The following C10orf90 variants were observed in gnomAD, a reference collection of about 807,000 sequenced individuals.
C10orf90 encodes chromosome 10 open reading frame 90.
Under a neutral mutation model 62.5 loss-of-function variants are expected in C10orf90, and 56 were observed. That is an observed-to-expected ratio of 0.90 (90% CI 0.72 to 1.12). The LOEUF (loss-of-function observed/expected upper bound fraction) is 1.12, where lower values mean the gene tolerates loss of function less well. Among genes scored for constraint, C10orf90 ranks in the 50% most tolerant of loss-of-function variants. The pLI, the probability that C10orf90 is intolerant of heterozygous loss-of-function variation, is 0.00. For synonymous variants in C10orf90, 386 were observed against 340.4 expected (o/e 1.13, Z -1.47); for missense variants, 970 against 880.4 (o/e 1.10, Z -1.29).
At chr10:126,482,433 C>T (rs771909766) in intron 4 of C10orf90, among the ~76,000 whole-genome samples, 5 of 152,172 alleles carry the variant, frequency 3.3e-5, no homozygotes, top group Admixed American at 1.3e-4. Flanking sequence ...CTGCCCTTTT[C>T]CACTCTGAAA....
intron 1 of C10orf90, among the ~76,000 whole-genome samples, chr10:126,652,688 T>G (rs1307682443): frequency 2.6e-5 from 4 of 152,190 alleles, no homozygotes; most frequent in Non-Finnish European, 4.4e-5. Flanking sequence ...GAGATTTCTA[T>G]GCAAACATCA....
intron 2 of C10orf90, among the ~76,000 whole-genome samples, chr10:126,642,650 T>C (rs891756836): frequency 8.5e-5 from 13 of 152,116 alleles, no homozygotes; most frequent in Admixed American, 7.2e-4. Context: ...CCAACTCATA[T>C]CTTCTCTCCC....
intron 8 of C10orf90, 42 bp downstream of exon 8, chr10:126,429,745 C>A (rs372328461): frequency 1.3e-6 from 2 of 1,573,686 alleles, no homozygotes; most frequent in South Asian, 1.1e-5. Context: ...CCACCCTACT[C>A]CCCCCACCAA....
intron 7 of C10orf90, among the ~76,000 whole-genome samples, chr10:126,455,218 C>G (rs1859465620): frequency 6.6e-6 from 1 of 152,164 alleles, no homozygotes; most frequent in Admixed American, 6.5e-5. Context: ...TTGGGCTCCT[C>G]TTTGGCCCCT....
intron 4 of C10orf90, among the ~76,000 whole-genome samples, chr10:126,487,301 A>T (rs1196986154): frequency 6.6e-6 from 1 of 152,140 alleles, no homozygotes; most frequent in Non-Finnish European, 1.5e-5. Context: ...AAAATCCATC[A>T]GATTCACTAA....
At position 126,453,942 on chromosome 10, in the gene C10orf90, G is replaced by A. The variant is rs1859365929; in HGVS notation, c.2188+5098C>T. Among the ~76,000 whole-genome samples the A allele has an allele frequency of 6.6e-6, 1 of 152,180 alleles. No homozygotes were observed. The highest frequency in any genetic ancestry group is 1.5e-5 in the Non-Finnish European group (1 of 68,028). On this transcript the variant is annotated intron_variant, in intron 7 of 9. Coordinates refer to ENST00000488181, the MANE Select transcript of C10orf90 (RefSeq NM_001350921.2). This position sits in a 1 kb window ranked among gnomAD's most constrained non-coding sequence, Gnocchi z 4.9. Reference sequence around the variant, plus strand: ...GACCAACTGGAAAGGTTGAGAGTGGGCAGAGTCAGGCTGAGAGGCGTCTGG... The same window carrying A: ...GACCAACTGGAAAGGTTGAGAGTGGACAGAGTCAGGCTGAGAGGCGTCTGG...
chr10:126,619,502 G>T (rs976268290), intron 2 of C10orf90, among the ~76,000 whole-genome samples: 1 of 152,170 alleles, frequency 6.6e-6, no homozygotes, highest in African/African-American at 2.4e-5. Flanking sequence ...ACTCATCAAA[G>T]TTTTAATTTG....
intron 4 of C10orf90, among the ~76,000 whole-genome samples, chr10:126,503,202 A>G (rs1258205294): frequency 6.6e-6 from 1 of 152,190 alleles, no homozygotes; most frequent in Non-Finnish European, 1.5e-5. Flanking sequence ...TTCTTCCAAA[A>G]AATGCCTGCT....
intron 2 of C10orf90, among the ~76,000 whole-genome samples, chr10:126,569,986 T>C (rs2134002463): frequency 6.6e-6 from 1 of 152,336 alleles, no homozygotes; most frequent in African/African-American, 2.4e-5. Flanking sequence ...ATGGTGACGG[T>C]ACTAAATGAT....
At chr10:126,576,678 C>A (rs1412033361) in intron 2 of C10orf90, among the ~76,000 whole-genome samples, 3,364 of 32,846 alleles carry the variant, frequency 0.1, 906 homozygotes, top group Middle Eastern at 0.22. Flanking sequence ...TATATGTATA[C>A]ATATACATAT....
chr10:126,648,030 AAC>A (rs1446616805), intron 1 of C10orf90, among the ~76,000 whole-genome samples: 2 of 152,190 alleles, frequency 1.3e-5, no homozygotes, highest in African/African-American at 4.8e-5. Context: ...TCTCCAGTGC[AAC>A]AGTGTTGAGG....
chr10:126,566,502 C>A (rs971487794), intron 2 of C10orf90, among the ~76,000 whole-genome samples: 2 of 152,164 alleles, frequency 1.3e-5, no homozygotes, highest in African/African-American at 4.8e-5. Context: ...ACTGGGGCAG[C>A]CTTGCTGGAG....
chr10:126,642,377 A>T (rs1286668887), intron 2 of C10orf90, among the ~76,000 whole-genome samples: 1 of 151,992 alleles, frequency 6.6e-6, no homozygotes, highest in East Asian at 1.9e-4. Flanking sequence ...CTAAAAATAC[A>T]AAAAATTAGC....
At chr10:126,596,838 A>G (rs1271402051) in intron 2 of C10orf90, among the ~76,000 whole-genome samples, 5 of 152,246 alleles carry the variant, frequency 3.3e-5, no homozygotes, top group Non-Finnish European at 2.9e-5. Flanking sequence ...GACTGTCTGT[A>G]TATAAATAAC....
intron 2 of C10orf90, among the ~76,000 whole-genome samples, chr10:126,579,934 T>C (rs998203127): frequency 3.3e-5 from 5 of 152,164 alleles, no homozygotes; most frequent in Admixed American, 1.3e-4. Context: ...ATCTTTTATA[T>C]GAAGCTGATG....
chr10:126,557,072 G>A (rs938470279), intron 2 of C10orf90, among the ~76,000 whole-genome samples: 9 of 150,580 alleles, frequency 6.0e-5, no homozygotes, highest in African/African-American at 2.2e-4. Flanking sequence ...TAGGAACTAT[G>A]TTAGAATGAT....
chr10:126,649,948 G>A (rs1374106937), intron 1 of C10orf90, among the ~76,000 whole-genome samples: 2 of 152,030 alleles, frequency 1.3e-5, no homozygotes, highest in Admixed American at 1.3e-4. Context: ...GAAGTAGTAA[G>A]GGAAAAGGTA....
At chr10:126,637,639 C>G (rs371827377) in intron 2 of C10orf90, among the ~76,000 whole-genome samples, 1 of 152,160 alleles carries the variant, frequency 6.6e-6, no homozygotes, top group East Asian at 1.9e-4. Flanking sequence ...CAGGTCAGGT[C>G]GGTGAGGGTC....
Position 126,459,078 on chromosome 10 carries a change from G to T in C10orf90, c.2150C>A (p.Thr717Asn). 1 of 1,613,784 alleles carries T rather than the reference G, an allele frequency of 6.2e-7. No homozygotes were observed. The highest frequency in any genetic ancestry group is 8.5e-7 in the Non-Finnish European group (1 of 1,180,026). Residue 717 changes from threonine to asparagine, a missense_variant, in exon 7 of 10, where the codon ACC (threonine) becomes AAC (asparagine). Transcript: ENST00000488181. The stretch of plus-strand genomic sequence containing the variant: ...GGGAATCGTGAACTGCTTCTTGCTG[G>T]TGCGGATGGGAAGGAGGCTCTGCTT... ...RQKQSLLPIR[T>N]SKKQFTIPHP...
Sources: allele counts gnomAD v4.1 joint callset (sites outside exome capture counted in the v4.1 genomes callset), GRCh38; gene constraint gnomAD v4.1.1; non-coding constraint Gnocchi (gnomAD v3.1); transcripts MANE v1.5; gene names NCBI Gene and HGNC (gene_info 2026-07-23, HGNC 2026-07-21).